Variants in ABCC8 observed in about 807,000 individuals in gnomAD.
ABCC8 encodes ATP-binding cassette sub-family C member 8.
A neutral mutation model predicts 188.0 loss-of-function variants in ABCC8; 137 were observed. The ratio of observed to expected loss-of-function variants is 0.73; its 90% CI spans 0.63 to 0.84. The LOEUF (loss-of-function observed/expected upper bound fraction) is 0.84, where lower values mean the gene tolerates loss of function less well. ABCC8 is among the 40% of genes least tolerant of loss of function. The pLI is 0.00. For missense variants in ABCC8, 1,750 were observed against 2,072.7 expected, an observed-to-expected ratio of 0.84 and a Z score of 3.02; for synonymous variants, 797 against 846.5, an observed-to-expected ratio of 0.94 and a Z score of 1.01.
intron 3 of ABCC8, 24 bp downstream of exon 3, chr11:17,470,077 C>T (rs944073568): frequency 1.4e-5 from 22 of 1,613,276 alleles, no homozygotes; most frequent in Non-Finnish European, 1.8e-5. Context: ...AAGGTACTGC[C>T]CCTCCCTCCT....
chr11:17,462,488 T>A (rs1957229274), intron 4 of ABCC8, among the ~76,000 whole-genome samples: 1 of 152,220 alleles, frequency 6.6e-6, no homozygotes, highest in Non-Finnish European at 1.5e-5. Context: ...GAAGGCAATA[T>A]GTAACACTGA....
At chr11:17,441,290 T>C (rs1386247512) in intron 10 of ABCC8, among the ~76,000 whole-genome samples, 1 of 152,156 alleles carries the variant, frequency 6.6e-6, no homozygotes, top group Non-Finnish European at 1.5e-5. Flanking sequence ...TAAGAGACTT[T>C]GGAGGATCTA....
At chr11:17,402,976 G>A (rs1954323880) in intron 28 of ABCC8, among the ~76,000 whole-genome samples, 1 of 152,280 alleles carries the variant, frequency 6.6e-6, no homozygotes, top group South Asian at 2.1e-4. Flanking sequence ...ACAGCCTGAT[G>A]TGGGGCACAA....
chr11:17,460,408 C>T (rs915650558), intron 6 of ABCC8, 80 bp downstream of exon 6: 60 of 1,604,702 alleles, frequency 3.7e-5, no homozygotes, highest in Middle Eastern at 1.7e-4. Context: ...CCATGGCTCA[C>T]ACACATTGGC....
rs541412282 is a variant in ABCC8 at position 17,425,105 on chromosome 11, G to A, written c.2222+1944C>T. Among the ~76,000 whole-genome samples the A allele has an allele frequency of 7.9e-5, 12 of 152,296 alleles. No individual in the cohort carries two copies. The South Asian group carries it at 2.1e-3, about 26-fold the overall frequency. ...CCCTCCAAAGGCTGGAGAGGCAGTC[G>A]GAATAAGGCAATATGATCTCAAACC... On this transcript the variant is annotated intron_variant, in intron 16 of 38. Coordinates refer to ENST00000389817, the MANE Select transcript of ABCC8 (RefSeq NM_000352.6).
At chr11:17,431,589 G>A (rs1022291998) in intron 11 of ABCC8, among the ~76,000 whole-genome samples, 2 of 152,244 alleles carry the variant, frequency 1.3e-5, no homozygotes, top group African/African-American at 4.8e-5. Flanking sequence ...CTGCAGGCTC[G>A]TAGGGGCCCA....
chr11:17,409,509 A>C (rs1170074962), intron 22 of ABCC8, among the ~76,000 whole-genome samples: 1 of 152,008 alleles, frequency 6.6e-6, no homozygotes, highest in Non-Finnish European at 1.5e-5. Flanking sequence ...TATATATTTA[A>C]ATCTTTAGGT....
chr11:17,457,587 T>C (rs1218295202), intron 6 of ABCC8, among the ~76,000 whole-genome samples: 4 of 152,136 alleles, frequency 2.6e-5, no homozygotes, highest in Non-Finnish European at 5.9e-5. Context: ...AGGTGACAGA[T>C]TGGGAGTAGG....
In ABCC8 at chr11:17,406,913, G is replaced by C. The variant is rs1237493425; in HGVS notation, c.3137C>G (p.Ala1046Gly). The C allele has an allele frequency of 1.9e-6, 3 of 1,613,994 alleles. No individual in the cohort carries two copies. Among genetic ancestry groups the C allele is most frequent in the Non-Finnish European group, 2.5e-6 (3 of 1,180,042 alleles). ...WTDSALTLTP[A>G]ARNCSLSQEC... Reference sequence around the variant, plus strand: ...CTGGCTGAGGGAGCAGTTCCTGGCTGCAGGGGTCAGGGTCAGGGCGCTGTC... The same window carrying C: ...CTGGCTGAGGGAGCAGTTCCTGGCTCCAGGGGTCAGGGTCAGGGCGCTGTC... The change falls in exon 25 of 39, where the codon GCA becomes GGA. Residue 1046 changes from alanine (A) to glycine (G), a missense_variant. Physicochemically the swap from Ala to Gly is moderately conservative, Grantham distance 60. Coordinates refer to ENST00000389817, the MANE Select transcript of ABCC8 (RefSeq NM_000352.6).
chr11:17,397,149 C>T lies in ABCC8; in HGVS notation c.3988+44G>A, dbSNP rs557953005. On this transcript the variant is annotated intron_variant, in intron 32 of 38. Transcript: ENST00000389817. ...CCTTGTGGCCCCCAACCCAGACACA[C>T]TCCTCCTTGGACTCTTCCCCACCCC... 5.5e-4 allele frequency: 891 copies of T among 1,613,400 alleles called. 16 individuals are homozygous for T. The South Asian group carries it at 8.3e-3, about 15-fold the overall frequency.
intron 2 of ABCC8, among the ~76,000 whole-genome samples, chr11:17,472,351 T>C (rs1848527899): frequency 6.6e-6 from 1 of 152,224 alleles, no homozygotes; most frequent in Non-Finnish European, 1.5e-5. Flanking sequence ...CACTAACTTA[T>C]ACTGTTTTGA....
chr11:17,460,867 A>C, intron 5 of ABCC8, 191 bp from the exon 6 acceptor site: 1 of 1,169,764 alleles, frequency 8.5e-7, no homozygotes, highest in Non-Finnish European at 1.2e-6. Flanking sequence ...ATCAACACCA[A>C]CATGGTCTAG....
At chr11:17,450,345 CTTTCTTT>C (rs1393190474) in intron 7 of ABCC8, among the ~76,000 whole-genome samples, 1 of 124,368 alleles carries the variant, frequency 8.0e-6, no homozygotes, top group African/African-American at 3.1e-5. Context: ...TCTTTCCTTT[CTTTCTTT>C]CTTTCCTTCC....
intron 16 of ABCC8, among the ~76,000 whole-genome samples, chr11:17,422,325 C>T (rs1955384267): frequency 6.6e-6 from 1 of 152,196 alleles, no homozygotes. Flanking sequence ...TGGAGTCTGT[C>T]TGTCTTTTCT....
In ABCC8 at chr11:17,392,944, G is replaced by A. The variant is rs201109109; in HGVS notation, c.*47C>T. The A allele has an allele frequency of 4.1e-5, 65 of 1,582,382 alleles. No individual in the cohort carries two copies. Among genetic ancestry groups the A allele is most frequent in the Non-Finnish European group, 5.5e-5 (63 of 1,152,150 alleles). ...TTTACAGTTAGAAAACCCAGGCAGG[G>A]GTATGGGCAGGGTCCGAATGTGGGA... On this transcript the variant is annotated 3_prime_UTR_variant, in exon 39 of 39. Coordinates refer to ENST00000389817, the MANE Select transcript of ABCC8 (RefSeq NM_000352.6).
chr11:17,410,354 C>G lies in ABCC8; in HGVS notation c.2694+162G>C, dbSNP rs1043374482. On this transcript the variant is annotated intron_variant, in intron 22 of 38. Transcript: ENST00000389817. ...ACCAAACCCCTGGCCTGTACAGGGT[C>G]TCCCTGAAATGCCCAGCATGCATAA... The G allele has an allele frequency of 1.7e-5, 13 of 787,232 alleles. No individual in the cohort carries two copies. The Admixed American group carries it at 2.5e-4, about 15-fold the overall frequency. 48.8% of individuals were successfully genotyped at this position (787,232 alleles called of 1,614,324 possible). A position where few individuals can be genotyped will look rare whatever the true frequency, so the allele number is the denominator to read the frequency against.
intron 30 of ABCC8, 131 bp downstream of exon 30, chr11:17,398,208 G>T: frequency 8.1e-7 from 1 of 1,235,984 alleles, no homozygotes; most frequent in South Asian, 1.3e-5. Context: ...ACCAGGGCTG[G>T]GGGAAGCAGG....
At chr11:17,423,832 G>A (rs1955462473) in intron 16 of ABCC8, among the ~76,000 whole-genome samples, 2 of 152,190 alleles carry the variant, frequency 1.3e-5, no homozygotes, top group African/African-American at 4.8e-5. Context: ...TGAGGCTCTT[G>A]TGCCCCTTCT....
intron 30 of ABCC8, 143 bp downstream of exon 30, chr11:17,398,196 C>T: frequency 8.9e-7 from 1 of 1,124,684 alleles, no homozygotes; most frequent in Non-Finnish European, 1.3e-6. Context: ...ACTAGGAGGA[C>T]CACCAGGGCT....
Sources: gnomAD v4.1 joint callset for allele counts (sites outside exome capture counted in the v4.1 genomes callset) on GRCh38, gnomAD v4.1.1 for gene constraint, MANE v1.5 for transcripts, NCBI Gene and HGNC (gene_info 2026-07-23, HGNC 2026-07-21) for gene names.